EYA4: variants seen among roughly 807,000 people sequenced by gnomAD.
EYA4 encodes the protein protein phosphatase EYA4.
EYA4 carries 31 observed loss-of-function variants against 87.9 expected under a neutral mutation model. The observed-to-expected ratio is 0.35, with a 90% confidence interval of 0.27 to 0.48. EYA4 has a LOEUF of 0.48. Ranked by LOEUF, EYA4 falls within the 20% of genes least tolerant of loss-of-function variation. EYA4 has a pLI of 0.99. For synonymous variants in EYA4, 263 were observed against 270.6 expected (o/e 0.97, Z 0.28); for missense variants, 678 against 761.4 (o/e 0.89, Z 1.29).
Position 133,531,329 on chromosome 6 carries a change from A to G in EYA4, c.*2524A>G, listed in dbSNP as rs555686436. 1 of 786,256 alleles carries G rather than the reference A, an allele frequency of 1.3e-6. No individual in the cohort carries two copies. Among genetic ancestry groups the G allele is most frequent in the South Asian group, 1.6e-5 (1 of 63,490 alleles). 48.7% of individuals were successfully genotyped at this position (786,256 alleles called of 1,614,324 possible). A position where few individuals can be genotyped will look rare whatever the true frequency, so the allele number is the denominator to read the frequency against. On this transcript the variant is annotated 3_prime_UTR_variant, in exon 20 of 20. Transcript: ENST00000355286. The stretch of plus-strand genomic sequence containing the variant: ...TGGCCATGGGACGTTGAGTATGCAC[A>G]AACTAGAACTCTTCCCTTCCCACCT...
Position 133,291,774 on chromosome 6 carries a change from C to G in EYA4, c.33+16961C>G, listed in dbSNP as rs866049494. 3.3e-4 allele frequency among the ~76,000 whole-genome samples: 50 copies of G among 152,290 alleles called. 1 individual carries two copies. Among genetic ancestry groups the G allele is most frequent in the Middle Eastern group, 3.4e-3 (1 of 294 alleles). On this transcript the variant is annotated intron_variant, in intron 2 of 19. Coordinates refer to ENST00000355286, the MANE Select transcript of EYA4 (RefSeq NM_004100.5). ...AAAAGTGGTCACCTCAGCTCACTCT[C>G]TGTAGGACTGACTGCTTCCCCTTTC... is the stretch of plus-strand genomic sequence containing the variant.
intron 2 of EYA4, among the ~76,000 whole-genome samples, chr6:133,355,641 A>G (rs1783959835): frequency 6.6e-6 from 1 of 152,172 alleles, no homozygotes; most frequent in Non-Finnish European, 1.5e-5. Flanking sequence ...GCTTGTCCTC[A>G]TTGATTGCTA....
chr6:133,339,547 C>A (rs1782630491), intron 2 of EYA4, among the ~76,000 whole-genome samples: 1 of 152,060 alleles, frequency 6.6e-6, no homozygotes, highest in East Asian at 1.9e-4. Context: ...AGGAAATATG[C>A]AAGAGAAATG....
At chr6:133,407,178 G>T (rs941212488) in intron 3 of EYA4, among the ~76,000 whole-genome samples, 25 of 150,750 alleles carry the variant, frequency 1.7e-4, no homozygotes, top group African/African-American at 5.9e-4. Context: ...TTGTTAAAGT[G>T]CTAATTCAGT....
At chr6:133,376,441 GTTCCAAAAGAGATC>G (rs1372029578) in intron 2 of EYA4, among the ~76,000 whole-genome samples, 1 of 151,788 alleles carries the variant, frequency 6.6e-6, no homozygotes, top group Non-Finnish European at 1.5e-5. Flanking sequence ...ACAAAATGAA[GTTCCAAAAGAGATC>G]TTTTGAAAAT....
chr6:133,309,709 T>C (rs1780072209), intron 2 of EYA4, among the ~76,000 whole-genome samples: 1 of 152,198 alleles, frequency 6.6e-6, no homozygotes, highest in Non-Finnish European at 1.5e-5. Context: ...CAGATCTCTT[T>C]TTCTGGTTTG....
chr6:133,441,501 A>G (rs1309622974), intron 3 of EYA4, among the ~76,000 whole-genome samples: 1 of 152,246 alleles, frequency 6.6e-6, no homozygotes, highest in African/African-American at 2.4e-5. Context: ...AGCAATGGTG[A>G]GTGCACACCT....
intron 3 of EYA4, among the ~76,000 whole-genome samples, chr6:133,414,175 T>C (rs1166187728): frequency 6.6e-6 from 1 of 152,178 alleles, no homozygotes; most frequent in African/African-American, 2.4e-5. Context: ...CTGCTGACAT[T>C]TCCACCTTCT....
At chr6:133,431,851 G>A (rs572292594) in intron 3 of EYA4, among the ~76,000 whole-genome samples, 1 of 152,058 alleles carries the variant, frequency 6.6e-6, no homozygotes, top group East Asian at 1.9e-4. Context: ...TTTTGGCAGT[G>A]AGATTCATAG....
intron 11 of EYA4, among the ~76,000 whole-genome samples, chr6:133,474,246 G>A (rs897155085): frequency 2.6e-5 from 4 of 152,006 alleles, no homozygotes; most frequent in African/African-American, 9.7e-5. Flanking sequence ...TATATGCTAC[G>A]TGGAGCTTTG....
At chr6:133,295,777 A>G (rs1313391081) in intron 2 of EYA4, among the ~76,000 whole-genome samples, 2 of 152,178 alleles carry the variant, frequency 1.3e-5, no homozygotes, top group Non-Finnish European at 2.9e-5. Flanking sequence ...TATCATATTT[A>G]TTATTCATTG....
chr6:133,525,277 G>C, intron 19 of EYA4, 23 bp downstream of exon 19: 1 of 1,578,276 alleles, frequency 6.3e-7, no homozygotes, highest in Non-Finnish European at 8.7e-7. Context: ...AAACAATGTC[G>C]GTGTGATACT....
In EYA4 at chr6:133,432,588, C is replaced by A. The variant is rs904834532; in HGVS notation, c.84-14042C>A. On this transcript the variant is annotated intron_variant, in intron 3 of 19. Transcript: ENST00000355286. ...CTCCTGACACTGCTGTTACATGAAT[C>A]GTACACAACTTCAACCATTGCTTGC... Among the ~76,000 whole-genome samples, 7 of 151,686 alleles carry A rather than the reference C, an allele frequency of 4.6e-5. No individual in the cohort carries two copies. In the South Asian group the frequency reaches 1.5e-3, roughly 32 times the overall value.
At chr6:133,264,694 T>TTAGCG (rs1329315581) in intron 1 of EYA4, among the ~76,000 whole-genome samples, 1 of 152,186 alleles carries the variant, frequency 6.6e-6, no homozygotes, top group African/African-American at 2.4e-5. Context: ...ATCCAGAGGT[T>TTAGCG]TAGCGTTTCC....
intron 2 of EYA4, among the ~76,000 whole-genome samples, chr6:133,354,957 A>G (rs1210894887): frequency 6.6e-6 from 1 of 152,250 alleles, no homozygotes; most frequent in Admixed American, 6.5e-5. Flanking sequence ...GATTTTCCCC[A>G]GAACTTCTCA....
chr6:133,465,345 T>C (rs766541), intron 10 of EYA4, among the ~76,000 whole-genome samples: 29,205 of 152,066 alleles, frequency 0.19, 2,988 homozygotes, highest in East Asian at 0.32. Context: ...TTTTAAATAA[T>C]TTTTCTGTTT....
intron 2 of EYA4, among the ~76,000 whole-genome samples, chr6:133,333,333 A>G (rs779395229): frequency 6.6e-6 from 1 of 152,188 alleles, no homozygotes; most frequent in Non-Finnish European, 1.5e-5. Flanking sequence ...CCCCCTTAAG[A>G]GGCAATGCAT....
intron 3 of EYA4, among the ~76,000 whole-genome samples, chr6:133,398,054 A>G (rs180742365): frequency 1.3e-3 from 203 of 152,332 alleles, no homozygotes; most frequent in Non-Finnish European, 2.5e-3. Context: ...CCATTTAGTT[A>G]AAGCAACTGA....
intron 1 of EYA4, among the ~76,000 whole-genome samples, chr6:133,272,672 A>G (rs189200283): frequency 1.3e-3 from 205 of 152,242 alleles, no homozygotes; most frequent in African/African-American, 4.9e-3. Flanking sequence ...GGGCCTGGCA[A>G]AGGCTCCAAA....
Sources: allele counts gnomAD v4.1 joint callset (sites outside exome capture counted in the v4.1 genomes callset), GRCh38; gene constraint gnomAD v4.1.1; transcripts MANE v1.5; gene names NCBI Gene and HGNC (gene_info 2026-07-23, HGNC 2026-07-21).